Variants in MYOM1 observed in about 807,000 individuals in gnomAD.
MYOM1 encodes the protein myomesin 1.
Under a neutral mutation model 205.3 loss-of-function variants are expected in MYOM1, and 164 were observed. The ratio of observed to expected loss-of-function variants is 0.80; its 90% CI spans 0.70 to 0.91. The LOEUF is 0.91. Ranked by LOEUF, MYOM1 falls within the 40% of genes least tolerant of loss-of-function variation. The pLI is 0.00. For synonymous variants in MYOM1, 772 were observed against 789.4 expected (o/e 0.98, Z 0.37); for missense variants, 2,011 against 2,127.3 (o/e 0.95, Z 1.08).
chr18:3,118,494 A>G (rs1233531747), intron 20 of MYOM1, among the ~76,000 whole-genome samples: 2 of 146,962 alleles, frequency 1.4e-5, no homozygotes, highest in African/African-American at 4.9e-5. Context: ...CATCATGCCC[A>G]GCTAATTAAA....
At chr18:3,108,366 T>C (rs2079478893) in intron 22 of MYOM1, among the ~76,000 whole-genome samples, 1 of 152,164 alleles carries the variant, frequency 6.6e-6, no homozygotes, top group Non-Finnish European at 1.5e-5. Context: ...TGAAGCTGGA[T>C]CTCCTCCTTG....
intron 27 of MYOM1, 137 bp downstream of exon 27, chr18:3,090,520 GA>G (rs1333556027): frequency 1.7e-6 from 2 of 1,208,146 alleles, no homozygotes; most frequent in African/African-American, 3.1e-5. Flanking sequence ...GCGCCCAGCT[GA>G]AAATTGTATT....
intron 29 of MYOM1, 59 bp from the exon 30 acceptor site, chr18:3,086,210 G>A: frequency 9.5e-7 from 1 of 1,047,568 alleles, no homozygotes. Context: ...TTGTGAAGTT[G>A]AATAGTTCTT....
intron 5 of MYOM1, among the ~76,000 whole-genome samples, chr18:3,177,458 A>ATT (rs1226821358): frequency 3.4e-5 from 3 of 87,328 alleles, no homozygotes; most frequent in African/African-American, 1.1e-4. Flanking sequence ...TATTATTATT[A>ATT]TTATTATTAT....
intron 5 of MYOM1, among the ~76,000 whole-genome samples, chr18:3,178,992 C>T (rs769970284): frequency 7.2e-5 from 11 of 152,096 alleles, no homozygotes; most frequent in Non-Finnish European, 1.6e-4. Context: ...CTCAGACTAC[C>T]AAGTAGCTGG....
the MYOM1 span, among the ~76,000 whole-genome samples, chr18:3,240,964 C>T: frequency 0.59 from 89,819 of 151,934 alleles, 28,156 homozygotes; most frequent in African/African-American, 0.8. Flanking sequence ...TGTGGAACTC[C>T]GAACTTGAGA....
chr18:3,123,827 A>ATTTTTTTTTTTTTTTTTT, intron 19 of MYOM1, among the ~76,000 whole-genome samples: 1 of 147,466 alleles, frequency 6.8e-6, no homozygotes, highest in African/African-American at 2.6e-5. Context: ...ATTTTTATTT[A>ATTTTTTTTTTTTTTTTTT]TTTATTTTTT....
chr18:3,117,403 C>T (rs1317022554), intron 20 of MYOM1, among the ~76,000 whole-genome samples: 1 of 152,202 alleles, frequency 6.6e-6, no homozygotes, highest in Non-Finnish European at 1.5e-5. Context: ...ATAATCAATC[C>T]TATGGGCCCT....
intron 27 of MYOM1, among the ~76,000 whole-genome samples, chr18:3,090,413 T>C (rs961187657): frequency 6.6e-6 from 1 of 151,570 alleles, no homozygotes; most frequent in African/African-American, 2.4e-5. Context: ...AGAGGCGGGG[T>C]TTCACCATGT....
intron 10 of MYOM1, among the ~76,000 whole-genome samples, chr18:3,159,908 TC>T (rs1481727002): frequency 7.1e-6 from 1 of 140,726 alleles, no homozygotes; most frequent in African/African-American, 2.7e-5. Flanking sequence ...CTTCCTTCCT[TC>T]CTTCCTTCCT....
chr18:3,076,510 GC>G (rs896860265), intron 34 of MYOM1, among the ~76,000 whole-genome samples: 7 of 152,100 alleles, frequency 4.6e-5, no homozygotes, highest in Non-Finnish European at 8.8e-5. Context: ...TTTCTGTTAT[GC>G]TGTCTGGTCT....
At chr18:3,163,608 A>G (rs1193065047) in intron 10 of MYOM1, among the ~76,000 whole-genome samples, 2 of 151,952 alleles carry the variant, frequency 1.3e-5, no homozygotes, top group East Asian at 1.9e-4. Context: ...GCGCACCACC[A>G]TGCCCGGCTA....
At chr18:3,173,372 T>C (rs2080587828) in intron 8 of MYOM1, among the ~76,000 whole-genome samples, 1 of 152,082 alleles carries the variant, frequency 6.6e-6, no homozygotes, top group Non-Finnish European at 1.5e-5. Context: ...CATGGACCAG[T>C]GAGAGAGACT....
chr18:3,157,265 G>A (rs1205433549), intron 10 of MYOM1, among the ~76,000 whole-genome samples: 1 of 152,184 alleles, frequency 6.6e-6, no homozygotes, highest in Non-Finnish European at 1.5e-5. Context: ...GTATAGCATT[G>A]CTTGGAACTG....
chr18:3,244,957 G>GAA, the MYOM1 span, among the ~76,000 whole-genome samples: 1 of 141,110 alleles, frequency 7.1e-6, no homozygotes, highest in Admixed American at 7.1e-5. Context: ...ATTTAAAAAG[G>GAA]AAAAAAAAAA....
chr18:3,151,863 C>T lies in MYOM1; in HGVS notation c.1674G>A (p.Gln558=), dbSNP rs1302909894. Residue 558 remains glutamine (Q), a synonymous_variant, in exon 12 of 38, where the codon CAG becomes CAA. Transcript: ENST00000356443. ...CAAACTTCACAGGTGTGTCATTGCACTGCGACCAGCTATCTGTGCCCACCT... is the reference window on the plus strand; with the variant it reads ...CAAACTTCACAGGTGTGTCATTGCATTGCGACCAGCTATCTGTGCCCACCT... The part of the protein sequence containing the change: ...KCEVGTDSWS[Q]CNDTPVKFAR... The T allele has an allele frequency of 3.1e-6, 5 of 1,612,930 alleles. No individual in the cohort carries two copies. In the South Asian group the frequency reaches 5.5e-5, roughly 18 times the overall value.
chr18:3,225,492 G>A, the MYOM1 span, among the ~76,000 whole-genome samples: 1 of 152,152 alleles, frequency 6.6e-6, no homozygotes, highest in Admixed American at 6.5e-5. Flanking sequence ...TTCCCTATAA[G>A]CCAAAGGAGG....
chr18:3,078,848 T>C (rs73371160), intron 34 of MYOM1, among the ~76,000 whole-genome samples: 7,149 of 152,198 alleles, frequency 0.047, 545 homozygotes, highest in African/African-American at 0.16. Context: ...TATTTATTTA[T>C]TTTTATAGAG....
chr18:3,154,380 A>C (rs1179888128), intron 11 of MYOM1, among the ~76,000 whole-genome samples: 5 of 152,044 alleles, frequency 3.3e-5, no homozygotes, highest in Non-Finnish European at 7.4e-5. Context: ...ATTTGGCAAG[A>C]ATGCTATGAA....
Sources: gnomAD v4.1 joint callset for allele counts (sites outside exome capture counted in the v4.1 genomes callset) on GRCh38, gnomAD v4.1.1 for gene constraint, MANE v1.5 for transcripts, NCBI Gene and HGNC (gene_info 2026-07-23, HGNC 2026-07-21) for gene names.